The following UPB1 variants were observed in gnomAD, a reference collection of about 807,000 sequenced individuals.
UPB1 encodes beta-ureidopropionase.
A neutral mutation model predicts 49.1 loss-of-function variants in UPB1; 40 were observed. The ratio of observed to expected loss-of-function variants is 0.81; its 90% CI spans 0.63 to 1.06. UPB1 has a LOEUF of 1.06. Among genes scored for constraint, UPB1 ranks in the 50% least tolerant of loss-of-function variants. UPB1 has a pLI of 0.00. For missense variants in UPB1, 499 were observed against 505.9 expected, an observed-to-expected ratio of 0.99 and a Z score of 0.13; for synonymous variants, 207 against 198.2, an observed-to-expected ratio of 1.04 and a Z score of -0.38.
Position 24,520,327 on chromosome 22 carries a change from G to T in UPB1, c.792-60G>T, listed in dbSNP as rs564668990. ...GCAGCCAGGCCAGGCTCAGGGCTGA[G>T]CATCCACTGAGTCTGCCTGGAAAGT... On this transcript the variant is annotated intron_variant, in intron 6 of 9. Transcript: ENST00000326010. 3.8e-5 allele frequency: 60 copies of T among 1,577,230 alleles called. No individual in the cohort carries two copies. In the African/African-American group the frequency reaches 7.7e-4, roughly 20 times the overall value.
Position 24,510,801 on chromosome 22 carries a change from T to C in UPB1, c.417T>C (p.Ala139=). ...TREKLPWTEF[A]ESAEDGPTTR... is the part of the protein sequence containing the mutation. ...AGAAGCTTCCTTGGACAGAATTTGC[T>C]GAGTCAGCAGAGGATGGGCCCACCA... Residue 139 remains alanine (A), a synonymous_variant, in exon 4 of 10, where the codon GCT becomes GCC. Transcript: ENST00000326010. The C allele has an allele frequency of 6.2e-7, 1 of 1,614,190 alleles. No homozygotes were observed. The highest frequency in any genetic ancestry group is 2.2e-5 in the East Asian group (1 of 44,888).
intron 4 of UPB1, among the ~76,000 whole-genome samples, chr22:24,511,619 T>TATATATATA (rs140327): frequency 1.1e-5 from 1 of 95,176 alleles, no homozygotes; most frequent in African/African-American, 3.8e-5. Context: ...TATATATATA[T>TATATATATA]TTTTTTTTTT....
chr22:24,510,066 C>T (rs131453), intron 3 of UPB1, among the ~76,000 whole-genome samples: 4,190 of 152,076 alleles, frequency 0.028, 189 homozygotes, highest in South Asian at 0.11. Context: ...AACCCCATCT[C>T]TACTAAAAAT....
At chr22:24,516,180 ACTTGT>A (rs1411512901) in intron 6 of UPB1, among the ~76,000 whole-genome samples, 13 of 152,182 alleles carry the variant, frequency 8.5e-5, no homozygotes, top group Admixed American at 3.9e-4. Flanking sequence ...AGTCGAGGAA[ACTTGT>A]CTTTAACCAG....
In UPB1 at chr22:24,525,891, C is replaced by T; in HGVS notation, c.*97C>T. On this transcript the variant is annotated 3_prime_UTR_variant, in exon 10 of 10. Transcript: ENST00000326010. ...AACATGTCCAGGTTCTCCCCAATAA[C>T]ATTGTCCAGGTTGGTTTTAAAATTC... 2 of 1,495,738 alleles carry T rather than the reference C, an allele frequency of 1.3e-6. No individual in the cohort carries two copies. Among genetic ancestry groups the T allele is most frequent in the Non-Finnish European group, 9.3e-7 (1 of 1,075,468 alleles). 92.7% of individuals were successfully genotyped at this position (1,495,738 alleles called of 1,614,324 possible). A position where few individuals can be genotyped will look rare whatever the true frequency, so the allele number is the denominator to read the frequency against.
In UPB1 at chr22:24,495,474, A is replaced by C; in HGVS notation, c.71A>C (p.Glu24Ala). 6.2e-7 allele frequency: 1 copy of C among 1,614,086 alleles called. No homozygotes were observed. Among genetic ancestry groups the C allele is most frequent in the South Asian group, 1.1e-5 (1 of 91,084 alleles). ...EKHLPLPDLQ[E>A]VKRVLYGKEL... ...CACCTGCCGCTCCCCGACTTGCAGGAAGTGAAGCGCGTTCTCTATGGCAAG... is the reference window on the plus strand; with the variant it reads ...CACCTGCCGCTCCCCGACTTGCAGGCAGTGAAGCGCGTTCTCTATGGCAAG... Residue 24 changes from glutamate to alanine, a missense_variant, in exon 1 of 10, where the codon GAA becomes GCA. Physicochemically the swap from Glu to Ala is moderately radical, Grantham distance 107. Transcript: ENST00000326010.
At chr22:24,525,489 G>A (rs1230657676) in intron 9 of UPB1, among the ~76,000 whole-genome samples, 1 of 152,190 alleles carries the variant, frequency 6.6e-6, no homozygotes, top group East Asian at 1.9e-4. Context: ...GGATAGACAG[G>A]TCGAAGGGGT....
At chr22:24,504,969 G>C (rs975867844) in intron 3 of UPB1, among the ~76,000 whole-genome samples, 13 of 134,804 alleles carry the variant, frequency 9.6e-5, no homozygotes, top group African/African-American at 3.7e-4. Flanking sequence ...TCAAATTCCT[G>C]GGCCCAAGCA....
chr22:24,513,275 C>A, intron 4 of UPB1, 49 bp from the exon 5 acceptor site: 1 of 1,613,158 alleles, frequency 6.2e-7, no homozygotes, highest in South Asian at 1.1e-5. Flanking sequence ...TAAAAAACTA[C>A]AACAATTGGT....
chr22:24,501,760 G>T (rs2043997362), intron 2 of UPB1, among the ~76,000 whole-genome samples: 1 of 152,202 alleles, frequency 6.6e-6, no homozygotes, highest in Admixed American at 6.5e-5. Flanking sequence ...GCAGGAGAGT[G>T]GGGAGCGGAG....
intron 6 of UPB1, among the ~76,000 whole-genome samples, chr22:24,517,523 T>C (rs1164005408): frequency 3.3e-5 from 5 of 152,192 alleles, no homozygotes; most frequent in East Asian, 1.9e-4. Context: ...GCAGACAAAG[T>C]TGTGGCTGTG....
At chr22:24,510,186 T>G (rs971160230) in intron 3 of UPB1, among the ~76,000 whole-genome samples, 2 of 149,152 alleles carry the variant, frequency 1.3e-5, no homozygotes, top group African/African-American at 5.0e-5. Context: ...TGAGCCAAGA[T>G]AGTGCCATTG....
At chr22:24,519,477 G>A (rs1300722163) in intron 6 of UPB1, among the ~76,000 whole-genome samples, 1 of 152,154 alleles carries the variant, frequency 6.6e-6, no homozygotes, top group Non-Finnish European at 1.5e-5. Context: ...GCGGGCCAGA[G>A]AAGGACAGGG....
At chr22:24,505,807 G>A (rs982032983) in intron 3 of UPB1, among the ~76,000 whole-genome samples, 2 of 151,972 alleles carry the variant, frequency 1.3e-5, no homozygotes, top group Non-Finnish European at 2.9e-5. Flanking sequence ...CTGCCTCCTG[G>A]ATTCAAGCGA....
At chr22:24,500,906 C>T (rs983295357) in intron 2 of UPB1, among the ~76,000 whole-genome samples, 3 of 152,202 alleles carry the variant, frequency 2.0e-5, no homozygotes, top group Non-Finnish European at 4.4e-5. Context: ...GCACAGGTTT[C>T]CTCAGGATAC....
chr22:24,518,265 A>T (rs2044331333), intron 6 of UPB1: 3 of 152,264 alleles, frequency 2.0e-5, no homozygotes, highest in African/African-American at 7.2e-5. Flanking sequence ...AGCACATTAC[A>T]GCCCACCTCT....
intron 9 of UPB1, 120 bp from the exon 10 acceptor site, chr22:24,525,591 G>C (rs1374672708): frequency 8.6e-7 from 1 of 1,167,608 alleles, no homozygotes; most frequent in Non-Finnish European, 1.3e-6. Context: ...CACTGTCAAC[G>C]AGCCTTCCTG....
In UPB1 at chr22:24,523,666, C is replaced by A. The variant is rs1255910360; in HGVS notation, c.964C>A (p.Pro322Thr). 1.2e-6 allele frequency: 2 copies of A among 1,614,152 alleles called. No individual in the cohort carries two copies. The highest frequency in any genetic ancestry group is 8.5e-7 in the Non-Finnish European group (1 of 1,180,048). The change falls in exon 9 of 10, where the codon CCT (proline) becomes ACT (threonine). Residue 322 changes from proline to threonine, a missense_variant. Pro to Thr is a conservative substitution (Grantham distance 38, BLOSUM62 -1). Transcript: ENST00000326010. ...TTATGGCTCGAGCTATGTGGCAGCC[C>A]CTGACAGCAGCCGGACTCCTGGGCT... ...YFYGSSYVAAPDSSRTPGLSR... is the reference protein window; with the variant it reads ...YFYGSSYVAATDSSRTPGLSR...
intron 4 of UPB1, among the ~76,000 whole-genome samples, chr22:24,512,097 A>T (rs1342330330): frequency 6.6e-6 from 1 of 152,008 alleles, no homozygotes; most frequent in East Asian, 1.9e-4. Context: ...ATCAATACTC[A>T]GTTGTGATTC....
Sources: allele counts gnomAD v4.1 joint callset (sites outside exome capture counted in the v4.1 genomes callset), GRCh38; gene constraint gnomAD v4.1.1; transcripts MANE v1.5; gene names NCBI Gene and HGNC (gene_info 2026-07-23, HGNC 2026-07-21).